Variants in NELFB observed in about 807,000 individuals in gnomAD.
The protein encoded by NELFB is negative elongation factor B.
NELFB carries 34 observed loss-of-function variants against 60.2 expected under a neutral mutation model. The ratio of observed to expected loss-of-function variants is 0.56; its 90% CI spans 0.43 to 0.75. The LOEUF is 0.75. Among genes scored for constraint, NELFB ranks in the 30% least tolerant of loss-of-function variants. The pLI, the probability that NELFB is intolerant of heterozygous loss-of-function variation, is 0.00. For synonymous variants in NELFB, 459 were observed against 382.1 expected, an observed-to-expected ratio of 1.20 and a Z score of -2.35; for missense variants, 770 against 831.6, an observed-to-expected ratio of 0.93 and a Z score of 0.91.
At chr9:137,270,994 C>T (rs577814191) in intron 10 of NELFB, among the ~76,000 whole-genome samples, 7 of 152,404 alleles carry the variant, frequency 4.6e-5, no homozygotes, top group South Asian at 2.1e-4. Context: ...GCTCCTCTGC[C>T]GACTGACTGC....
chr9:137,258,321 G>T (rs930446512), intron 4 of NELFB, among the ~76,000 whole-genome samples: 1 of 151,258 alleles, frequency 6.6e-6, no homozygotes, highest in African/African-American at 2.4e-5. Context: ...TTGGTGTTTC[G>T]CTGTGTTGCC....
In NELFB at chr9:137,272,939, G is replaced by A. The variant is rs752998138; in HGVS notation, c.*11G>A. On this transcript the variant is annotated 3_prime_UTR_variant, in exon 13 of 13. Transcript: ENST00000343053. ...CCTGCCCCGCTCTGAGGGCCCTCCA[G>A]ACCTGCTCGGGTGCTGGGGCCATGC... 44 of 1,504,290 alleles carry A rather than the reference G, an allele frequency of 2.9e-5. No homozygotes were observed. Among genetic ancestry groups the A allele is most frequent in the Admixed American group, 1.1e-4 (5 of 44,648 alleles). 93.2% of individuals were successfully genotyped at this position (1,504,290 alleles called of 1,614,324 possible). A position where few individuals can be genotyped will look rare whatever the true frequency, so the allele number is the denominator to read the frequency against.
Position 137,272,966 on chromosome 9 carries a change from G to T in NELFB, c.*38G>T, listed in dbSNP as rs543822018. 1 of 1,473,034 alleles carries T rather than the reference G, an allele frequency of 6.8e-7. No individual in the cohort carries two copies. The highest frequency in any genetic ancestry group is 9.0e-7 in the Non-Finnish European group (1 of 1,107,986). 91.2% of individuals were successfully genotyped at this position (1,473,034 alleles called of 1,614,324 possible). A position where few individuals can be genotyped will look rare whatever the true frequency, so the allele number is the denominator to read the frequency against. On this transcript the variant is annotated 3_prime_UTR_variant, in exon 13 of 13. Transcript: ENST00000343053. ...CCTGCTCGGGTGCTGGGGCCATGCCGAGTCGCGGCCCTGCTCAGCCGGAAG... is the reference window on the plus strand; with the variant it reads ...CCTGCTCGGGTGCTGGGGCCATGCCTAGTCGCGGCCCTGCTCAGCCGGAAG...
chr9:137,273,216 T>G lies in NELFB; in HGVS notation c.*288T>G. On this transcript the variant is annotated 3_prime_UTR_variant, in exon 13 of 13. Coordinates refer to ENST00000343053, the MANE Select transcript of NELFB (RefSeq NM_015456.5). ...TGTGTTAGGAAAAAACCACCTGTTT[T>G]CCAAGGGGAGAGGGCGGGGCCTGAG... 8.3e-6 allele frequency: 2 copies of G among 240,806 alleles called. No homozygotes were observed. 14.9% of individuals were successfully genotyped at this position (240,806 alleles called of 1,614,324 possible).
At chr9:137,272,742 C>T in intron 12 of NELFB, 40 bp from the exon 13 acceptor site, 1 of 1,522,712 alleles carries the variant, frequency 6.6e-7, no homozygotes, top group Non-Finnish European at 8.9e-7. Flanking sequence ...CCTGGGCCTG[C>T]CCATGCGCCT....
At chr9:137,264,174 G>A (rs1830490738) in intron 5 of NELFB, 71 bp from the exon 6 acceptor site, 2 of 1,203,970 alleles carry the variant, frequency 1.7e-6, no homozygotes, top group South Asian at 1.3e-5. Context: ...GCCTGGAGCT[G>A]TGTTTGGGGC....
Position 137,257,062 on chromosome 9 carries a change from G to C in NELFB, c.741+8G>C. On this transcript the variant is annotated splice_region_variant and intron_variant, in intron 4 of 12. Coordinates refer to ENST00000343053, the MANE Select transcript of NELFB (RefSeq NM_015456.5). ...ACCAGGCGCCAGGGCGAGGTGAGGG[G>C]ACAGGCCGTGTGCGGGGTGGGGCAC... 1 of 1,608,058 alleles carries C rather than the reference G, an allele frequency of 6.2e-7. No individual in the cohort carries two copies. The highest frequency in any genetic ancestry group is 1.3e-5 in the African/African-American group (1 of 74,990).
chr9:137,272,421 A>C, intron 11 of NELFB, 86 bp from the exon 12 acceptor site: 1 of 1,472,116 alleles, frequency 6.8e-7, no homozygotes, highest in Non-Finnish European at 9.2e-7. Flanking sequence ...TCCTGTCTCC[A>C]GGGGCCTTGG....
At chr9:137,256,229 G>A (rs767676021) in intron 2 of NELFB, 100 bp from the exon 3 acceptor site, 2 of 1,370,818 alleles carry the variant, frequency 1.5e-6, no homozygotes, top group East Asian at 2.3e-5. Flanking sequence ...TGTCCTGGGC[G>A]TGGAGGCTTG....
rs1228813852 is a variant in NELFB, at chr9:137,256,018, A to C, written c.358A>C (p.Lys120Gln). The C allele has an allele frequency of 6.2e-7, 1 of 1,613,702 alleles. No individual in the cohort carries two copies. Among genetic ancestry groups the C allele is most frequent in the Non-Finnish European group, 8.5e-7 (1 of 1,180,026 alleles). ...GTCGGTATTCGATGAGCTGCGGGAC[A>C]AGCTGCTGGAGCGAGTGTCAGCCAT... Residue 120 changes from lysine to glutamine, a missense_variant, in exon 2 of 13, where the codon AAG becomes CAG. Lys to Gln is a moderately conservative substitution (Grantham distance 53, BLOSUM62 1). Transcript: ENST00000343053.
Position 137,255,576 on chromosome 9 carries a change from T to C in NELFB, c.211T>C (p.Cys71Arg). The C allele has an allele frequency of 6.5e-7, 1 of 1,549,664 alleles. No individual in the cohort carries two copies. Among genetic ancestry groups the C allele is most frequent in the Non-Finnish European group, 8.7e-7 (1 of 1,147,034 alleles). ...GGACCTGAAGGAGACCCTGACCAAC[T>C]GCACGGAGCCGCTCAAGGCCATCGA... The change falls in exon 1 of 13, where the codon TGC (cysteine) becomes CGC (arginine). Residue 71 changes from cysteine (C) to arginine (R), a missense_variant. Physicochemically the swap from Cys to Arg is radical, Grantham distance 180. Transcript: ENST00000343053.
chr9:137,268,962 C>T (rs1564445408), intron 10 of NELFB, among the ~76,000 whole-genome samples: 2 of 152,290 alleles, frequency 1.3e-5, no homozygotes, highest in Admixed American at 6.5e-5. Flanking sequence ...CCACACTTAC[C>T]CTTTTATCAG....
In NELFB at chr9:137,272,044, G is replaced by A. The variant is rs200907488; in HGVS notation, c.1490-37G>A. 2.2e-4 allele frequency: 362 copies of A among 1,612,870 alleles called. No individual in the cohort carries two copies. In the African/African-American group the frequency reaches 4.0e-3, roughly 18 times the overall value. Reference sequence around the variant, plus strand: ...AAGGGTGCCCTCTGGGGTGGGCAGGGTGAGTGGCACTGGGCTGATGCCTGC... The same window carrying A: ...AAGGGTGCCCTCTGGGGTGGGCAGGATGAGTGGCACTGGGCTGATGCCTGC... On this transcript the variant is annotated intron_variant, in intron 10 of 12. Coordinates refer to ENST00000343053, the MANE Select transcript of NELFB (RefSeq NM_015456.5).
chr9:137,258,911 G>A (rs115575753), intron 4 of NELFB, among the ~76,000 whole-genome samples: 322 of 152,308 alleles, frequency 2.1e-3, no homozygotes, highest in African/African-American at 7.1e-3. Context: ...TGTAATTCAT[G>A]TGAAAGATTG....
chr9:137,266,444 G>GGGGCT lies in NELFB; in HGVS notation c.1239+20_1239+24dup, dbSNP rs780217203. ...CCAAGATGGTAACGAGCCTCCTGTGGGGGCTGCCAGTTTCCTACGAGGGGT... is the reference window on the plus strand; with the variant it reads ...CCAAGATGGTAACGAGCCTCCTGTGGGGGCTGGGCTGCCAGTTTCCTACGAGGGGT... On this transcript the variant is annotated intron_variant, in intron 8 of 12. Coordinates refer to ENST00000343053, the MANE Select transcript of NELFB (RefSeq NM_015456.5). 2 of 1,607,070 alleles carry GGGGCT rather than the reference G, an allele frequency of 1.2e-6. No homozygotes were observed.
At chr9:137,272,654 C>T (rs1465375152) in intron 12 of NELFB, 39 bp downstream of exon 12, 1 of 1,547,696 alleles carries the variant, frequency 6.5e-7, no homozygotes, top group African/African-American at 1.4e-5. Context: ...GGCACCTGGT[C>T]CCTACCAGCC....
chr9:137,265,908 G>A lies in NELFB; in HGVS notation c.1072G>A (p.Ala358Thr), dbSNP rs539285051. 104 of 1,613,054 alleles carry A rather than the reference G, an allele frequency of 6.4e-5. No individual in the cohort carries two copies. The highest frequency in any genetic ancestry group is 8.5e-5 in the Non-Finnish European group (100 of 1,179,896). The stretch of plus-strand genomic sequence containing the variant: ...GTCCATGATCCTGTGTGACCCCTTC[G>A]CCATCAACACGCTGGCACTGAGCAC... Residue 358 changes from alanine (A) to threonine (T), a missense_variant, in exon 7 of 13, where the codon GCC becomes ACC. Coordinates refer to ENST00000343053, the MANE Select transcript of NELFB (RefSeq NM_015456.5).
Position 137,255,450 on chromosome 9 carries a change from G to A in NELFB, c.85G>A (p.Ala29Thr). The change falls in exon 1 of 13, where the codon GCG becomes ACG. Residue 29 changes from alanine to threonine, a missense_variant. Transcript: ENST00000343053. The stretch of plus-strand genomic sequence containing the variant: ...GCGGGCTTCTGGGGTGTCTGCGGCG[G>A]CGCCGGGGGAACGGGCTGGGGATGG... 7.0e-7 allele frequency: 1 copy of A among 1,432,322 alleles called. No homozygotes were observed. The allele number at this position is 1,432,322 out of a possible 1,614,324, so 88.7% of individuals were successfully genotyped here.
At position 137,267,101 on chromosome 9, in the gene NELFB, G is replaced by C; in HGVS notation, c.1382+15G>C. On this transcript the variant is annotated intron_variant, in intron 9 of 12. Transcript: ENST00000343053. ...AGCTTCACTAAGTACGGGCTGTAGG[G>C]CCATGGTGCAGGGGTGGCCGTGGCG... 6.2e-7 allele frequency: 1 copy of C among 1,613,862 alleles called. No individual in the cohort carries two copies. The highest frequency in any genetic ancestry group is 8.5e-7 in the Non-Finnish European group (1 of 1,179,976).
Sources: allele counts gnomAD v4.1 joint callset (sites outside exome capture counted in the v4.1 genomes callset), GRCh38; gene constraint gnomAD v4.1.1; transcripts MANE v1.5; gene names NCBI Gene and HGNC (gene_info 2026-07-23, HGNC 2026-07-21).